Variants in SPTLC3 observed in about 807,000 individuals in gnomAD.
SPTLC3 encodes the protein serine palmitoyltransferase long chain base subunit 3.
In SPTLC3, 36 loss-of-function variants were observed where a neutral mutation model predicts 59.3. The ratio of observed to expected loss-of-function variants is 0.61; its 90% confidence interval spans 0.47 to 0.80. The LOEUF (loss-of-function observed/expected upper bound fraction) is 0.80, where lower values mean the gene tolerates loss of function less well. Among genes scored for constraint, SPTLC3 ranks in the 30% least tolerant of loss-of-function variants. The pLI is 0.00. For synonymous variants in SPTLC3, 257 were observed against 240.8 expected, an observed-to-expected ratio of 1.07 and a Z score of -0.62; for missense variants, 625 against 685.1, an observed-to-expected ratio of 0.91 and a Z score of 0.98.
intron 1 of SPTLC3, among the ~76,000 whole-genome samples, chr20:13,045,611 C>T (rs1480177430): frequency 6.6e-6 from 1 of 151,902 alleles, no homozygotes. Flanking sequence ...TTTTCCTCTG[C>T]CAAATAAAAT....
At position 13,159,972 on chromosome 20, in the gene SPTLC3, T is replaced by A. The variant is rs138793854; in HGVS notation, c.1416-31T>A. On this transcript the variant is annotated intron_variant, in intron 10 of 11. Transcript: ENST00000399002. ...TTTTGTCTTTTCCCAACTAACCACT[T>A]TTTTTTTTTCTTTTTTTGCTTTTCC... 7,619 of 1,493,268 alleles carry A rather than the reference T, an allele frequency of 5.1e-3. 65 individuals carry two copies. The highest frequency in any genetic ancestry group is 0.01 in the South Asian group (763 of 73,334). 92.5% of individuals were successfully genotyped at this position (1,493,268 alleles called of 1,614,324 possible). A position where few individuals can be genotyped will look rare whatever the true frequency, so the allele number is the denominator to read the frequency against.
rs769817239 is a variant in SPTLC3, at chr20:13,159,984, T to C, written c.1416-19T>C. ...CCAACTAACCACTTTTTTTTTTTCTTTTTTTGCTTTTCCTTAAGGGCTTTT... is the reference window on the plus strand; with the variant it reads ...CCAACTAACCACTTTTTTTTTTTCTCTTTTTGCTTTTCCTTAAGGGCTTTT... On this transcript the variant is annotated intron_variant, in intron 10 of 11. Coordinates refer to ENST00000399002, the MANE Select transcript of SPTLC3 (RefSeq NM_018327.4). The C allele has an allele frequency of 2.6e-6, 4 of 1,528,474 alleles. No homozygotes were observed. The East Asian group carries it at 6.9e-5, about 26-fold the overall frequency. The allele number at this position is 1,528,474 out of a possible 1,614,324, so 94.7% of individuals were successfully genotyped here. A position where few individuals can be genotyped will look rare whatever the true frequency, so the allele number is the denominator to read the frequency against.
chr20:13,075,339 C>T (rs1043777222), intron 4 of SPTLC3, among the ~76,000 whole-genome samples: 1 of 152,170 alleles, frequency 6.6e-6, no homozygotes, highest in Non-Finnish European at 1.5e-5. Context: ...GTTAGGTCTG[C>T]CTAAGAATTG....
At chr20:13,137,753 T>C (rs192828651) in intron 9 of SPTLC3, among the ~76,000 whole-genome samples, 230 of 152,302 alleles carry the variant, frequency 1.5e-3, no homozygotes, top group African/African-American at 5.1e-3. Context: ...AGGGAATCTC[T>C]CTACAAAATT....
chr20:13,146,884 C>A (rs2038523458), intron 9 of SPTLC3, among the ~76,000 whole-genome samples: 1 of 152,198 alleles, frequency 6.6e-6, no homozygotes, highest in Non-Finnish European at 1.5e-5. Flanking sequence ...CTAGGCACTG[C>A]CAATTTCCAG....
intron 8 of SPTLC3, among the ~76,000 whole-genome samples, chr20:13,123,138 C>A (rs1311950227): frequency 1.3e-5 from 2 of 152,134 alleles, no homozygotes; most frequent in Non-Finnish European, 2.9e-5. Flanking sequence ...CGAGACCAGC[C>A]TGGCCAACAT....
At position 13,009,165 on chromosome 20, in the gene SPTLC3, C is replaced by G; in HGVS notation, c.-103C>G. 1 of 836,378 alleles carries G rather than the reference C, an allele frequency of 1.2e-6. No homozygotes were observed. Among genetic ancestry groups the G allele is most frequent in the South Asian group, 1.6e-5 (1 of 61,550 alleles). 51.8% of individuals were successfully genotyped at this position (836,378 alleles called of 1,614,324 possible). A position where few individuals can be genotyped will look rare whatever the true frequency, so the allele number is the denominator to read the frequency against. On this transcript the variant is annotated 5_prime_UTR_variant, in exon 1 of 12. Transcript: ENST00000399002. Reference sequence around the variant, plus strand: ...CTGATTGGTAAGATTCCTTTAAGGGCTCAGCCCCAAAGAGCTTTATCCCAT... The same window carrying G: ...CTGATTGGTAAGATTCCTTTAAGGGGTCAGCCCCAAAGAGCTTTATCCCAT...
intron 9 of SPTLC3, among the ~76,000 whole-genome samples, chr20:13,145,393 A>G (rs897784165): frequency 4.6e-5 from 7 of 152,200 alleles, no homozygotes; most frequent in African/African-American, 1.4e-4. Flanking sequence ...CACAATTGCC[A>G]CAAAAAGAAT....
intron 11 of SPTLC3, 175 bp from the exon 12 acceptor site, chr20:13,164,579 T>C (rs2038959724): frequency 4.9e-6 from 3 of 612,056 alleles, no homozygotes; most frequent in Non-Finnish European, 8.9e-6. Context: ...CTAACATTCC[T>C]CTAGGGTCTT....
intron 9 of SPTLC3, among the ~76,000 whole-genome samples, chr20:13,149,578 T>C (rs528464493): frequency 1.2e-4 from 18 of 152,352 alleles, no homozygotes; most frequent in Non-Finnish European, 2.4e-4. Context: ...AAGGCATTTG[T>C]AGTAACCTAT....
chr20:13,158,944 C>T (rs2038834522), intron 10 of SPTLC3, among the ~76,000 whole-genome samples: 1 of 152,228 alleles, frequency 6.6e-6, no homozygotes, highest in African/African-American at 2.4e-5. Context: ...TAAAATAATA[C>T]ACCAGCAATC....
intron 9 of SPTLC3, among the ~76,000 whole-genome samples, chr20:13,146,936 C>G (rs2038525543): frequency 1.3e-5 from 2 of 152,202 alleles, no homozygotes; most frequent in Admixed American, 1.3e-4. Context: ...GCCTCTGTTT[C>G]CTCATCTGTG....
At chr20:13,115,781 T>A (rs1240606763) in intron 7 of SPTLC3, among the ~76,000 whole-genome samples, 2 of 152,150 alleles carry the variant, frequency 1.3e-5, no homozygotes, top group South Asian at 2.1e-4. Flanking sequence ...ATGCCCATCA[T>A]GGATCAGGTA....
chr20:13,060,967 A>G (rs1246919287), intron 2 of SPTLC3, among the ~76,000 whole-genome samples: 1 of 152,170 alleles, frequency 6.6e-6, no homozygotes, highest in African/African-American at 2.4e-5. Context: ...CTTTGAGTAA[A>G]TACCCAGTAG....
intron 9 of SPTLC3, among the ~76,000 whole-genome samples, chr20:13,153,180 A>T (rs2038689363): frequency 6.6e-6 from 1 of 152,088 alleles, no homozygotes; most frequent in Non-Finnish European, 1.5e-5. Context: ...TTACTTACCC[A>T]CCTGTTTTGA....
chr20:13,126,537 C>A (rs1362897064), intron 8 of SPTLC3, 54 bp from the exon 9 acceptor site: 1 of 1,599,022 alleles, frequency 6.3e-7, no homozygotes, highest in African/African-American at 1.3e-5. Flanking sequence ...TAATTCCCAC[C>A]ACCAGTGTTG....
At chr20:13,057,402 A>G (rs554543553) in intron 2 of SPTLC3, among the ~76,000 whole-genome samples, 15 of 152,268 alleles carry the variant, frequency 9.9e-5, no homozygotes, top group Non-Finnish European at 1.8e-4. Flanking sequence ...TTCTTAATCA[A>G]ATATAAGAAT....
At chr20:13,106,500 C>T (rs1269168686) in intron 6 of SPTLC3, among the ~76,000 whole-genome samples, 1 of 152,126 alleles carries the variant, frequency 6.6e-6, no homozygotes, top group African/African-American at 2.4e-5. Flanking sequence ...GAGCATTCTC[C>T]AGACAGACAA....
intron 9 of SPTLC3, among the ~76,000 whole-genome samples, chr20:13,143,767 T>C (rs2038440953): frequency 6.6e-6 from 1 of 152,230 alleles, no homozygotes; most frequent in Non-Finnish European, 1.5e-5. Context: ...TTGCACGGTT[T>C]CTCAGAGCCC....
Sources: allele counts gnomAD v4.1 joint callset (sites outside exome capture counted in the v4.1 genomes callset), GRCh38; gene constraint gnomAD v4.1.1; transcripts MANE v1.5; gene names NCBI Gene and HGNC (gene_info 2026-07-23, HGNC 2026-07-21).